The following CACNA1C variants were observed in gnomAD, a reference collection of about 807,000 sequenced individuals.
CACNA1C encodes the protein calcium voltage-gated channel subunit alpha1 C, also known as voltage-dependent L-type calcium channel subunit alpha-1C.
Under a neutral mutation model 229.0 loss-of-function variants are expected in CACNA1C, and 30 were observed. That is an observed-to-expected ratio of 0.13 (90% CI 0.10 to 0.18). CACNA1C has a LOEUF of 0.18. Ranked by LOEUF, CACNA1C falls within the 10% of genes least tolerant of loss-of-function variation. The probability of loss-of-function intolerance (pLI) is 1.00; values close to 1 mark genes in which losing one functional copy is unlikely to be tolerated. For missense variants in CACNA1C, 1,658 were observed against 2,845.0 expected (o/e 0.58, Z 9.49); for synonymous variants, 1,114 against 1,132.5 (o/e 0.98, Z 0.33).
chr12:2,088,504 A>C (rs957851680), intron 1 of CACNA1C, among the ~76,000 whole-genome samples: 1 of 152,212 alleles, frequency 6.6e-6, no homozygotes. Flanking sequence ...TGGGCGTCAT[A>C]ATAATGCCTA....
intron 11 of CACNA1C, 92 bp downstream of exon 11, chr12:2,557,069 T>C (rs2044738746): frequency 1.0e-6 from 1 of 989,692 alleles, no homozygotes; most frequent in East Asian, 2.4e-5. Flanking sequence ...ACCTACAAGT[T>C]GCCAGTAGTG....
In CACNA1C at chr12:2,677,382, G is replaced by T; in HGVS notation, c.4956+161G>T. Reference sequence around the variant, plus strand: ...CCTTTCCAAAGATGGCTGTGAGAAGGGGGTGATGTGCCCTTCCCTACCTGC... The same window carrying T: ...CCTTTCCAAAGATGGCTGTGAGAAGTGGGTGATGTGCCCTTCCCTACCTGC... On this transcript the variant is annotated intron_variant, in intron 40 of 46. Coordinates refer to ENST00000399655, the MANE Select transcript of CACNA1C (RefSeq NM_000719.7). This position sits in a 1 kb window ranked among gnomAD's most constrained non-coding sequence, Gnocchi z 7.4. 1 of 777,106 alleles carries T rather than the reference G, an allele frequency of 1.3e-6. No homozygotes were observed. The highest frequency in any genetic ancestry group is 2.9e-5 in the Admixed American group (1 of 34,182). The allele number at this position is 777,106 out of a possible 1,614,324, so 48.1% of individuals were successfully genotyped here. A position where few individuals can be genotyped will look rare whatever the true frequency, so the allele number is the denominator to read the frequency against.
At chr12:2,113,163 G>A (rs969836723) in intron 1 of CACNA1C, among the ~76,000 whole-genome samples, 25 of 152,188 alleles carry the variant, frequency 1.6e-4, no homozygotes, top group African/African-American at 6.0e-4. Context: ...GTGTGGCTCA[G>A]GTAAGGGCTA....
chr12:2,653,621 G>A lies in CACNA1C; in HGVS notation c.4075-214G>A, dbSNP rs1270304690. On this transcript the variant is annotated intron_variant, in intron 32 of 46. Transcript: ENST00000399655. This position sits in a 1 kb window ranked among gnomAD's most constrained non-coding sequence, Gnocchi z 4.7. ...GCACTATATCGTTACTCTGCGGCCT[G>A]CTTTGAAAACCAAGCTGAAATGGGA... Among the ~76,000 whole-genome samples the A allele has an allele frequency of 6.6e-6, 1 of 152,196 alleles. No individual in the cohort carries two copies. Among genetic ancestry groups the A allele is most frequent in the East Asian group, 1.9e-4 (1 of 5,186 alleles).
intron 3 of CACNA1C, among the ~76,000 whole-genome samples, chr12:2,422,763 A>T (rs539936933): frequency 6.6e-6 from 1 of 152,220 alleles, no homozygotes; most frequent in South Asian, 2.1e-4. Flanking sequence ...TGCTGTGTTG[A>T]GGAGGGTTCT....
intron 1 of CACNA1C, among the ~76,000 whole-genome samples, chr12:2,026,045 T>G (rs929368819): frequency 1.3e-5 from 2 of 152,188 alleles, no homozygotes; most frequent in African/African-American, 4.8e-5. Context: ...TGCCTGGCAA[T>G]GTCGGAAAGT....
At chr12:2,416,878 C>T (rs1229704384) in intron 3 of CACNA1C, among the ~76,000 whole-genome samples, 1 of 152,224 alleles carries the variant, frequency 6.6e-6, no homozygotes, top group Non-Finnish European at 1.5e-5. Context: ...ACACAACTAG[C>T]AAGAAGCAGA....
intron 16 of CACNA1C, among the ~76,000 whole-genome samples, chr12:2,584,972 T>G: frequency 6.6e-6 from 1 of 152,182 alleles, no homozygotes; most frequent in East Asian, 1.9e-4. Flanking sequence ...CTCACTACTT[T>G]ATAATTCATC....
intron 3 of CACNA1C, among the ~76,000 whole-genome samples, chr12:2,398,425 T>TG: frequency 6.6e-6 from 1 of 152,220 alleles, no homozygotes; most frequent in South Asian, 2.1e-4. Flanking sequence ...GGATACTCTG[T>TG]GGAAGCAAAG....
At chr12:2,228,407 C>G (rs926128545) in intron 3 of CACNA1C, among the ~76,000 whole-genome samples, 10 of 152,338 alleles carry the variant, frequency 6.6e-5, no homozygotes, top group African/African-American at 2.4e-4. Flanking sequence ...TCAGATCTGT[C>G]TGGCTCCAAA....
At chr12:2,414,019 G>C (rs2098837384) in intron 3 of CACNA1C, among the ~76,000 whole-genome samples, 1 of 152,122 alleles carries the variant, frequency 6.6e-6, no homozygotes, top group Non-Finnish European at 1.5e-5. Context: ...TGCATAGCAG[G>C]GATGCAACAT....
At chr12:2,600,219 G>C (rs1345021265) in intron 21 of CACNA1C, among the ~76,000 whole-genome samples, 2 of 152,176 alleles carry the variant, frequency 1.3e-5, no homozygotes, top group Non-Finnish European at 2.9e-5. Context: ...TTCACCAAGA[G>C]GCAGGGAGGC....
chr12:2,379,885 G>A (rs1049088262), intron 3 of CACNA1C, among the ~76,000 whole-genome samples: 4 of 150,458 alleles, frequency 2.7e-5, no homozygotes, highest in Non-Finnish European at 5.9e-5. Context: ...CAAAAAATTA[G>A]CCGGGCGTAG....
intron 3 of CACNA1C, among the ~76,000 whole-genome samples, chr12:2,144,333 G>A (rs1243418805): frequency 1.3e-5 from 2 of 151,182 alleles, no homozygotes; most frequent in Non-Finnish European, 3.0e-5. Context: ...TCCAGGTAAG[G>A]AAAAGAAGAG....
At chr12:2,135,702 C>T (rs1432932757) in intron 3 of CACNA1C, among the ~76,000 whole-genome samples, 1 of 145,680 alleles carries the variant, frequency 6.9e-6, no homozygotes, top group Non-Finnish European at 1.5e-5. Flanking sequence ...AACCACTGCT[C>T]TCTTCAAAGC....
In CACNA1C at chr12:2,648,354, C is replaced by T. The variant is rs1243075303; in HGVS notation, c.3913-121C>T. ...CAGGCCTACGCTTTCACGTTTCTTT[C>T]ACTTGTTTCCTTTTGCCCTCTTCTG... On this transcript the variant is annotated intron_variant, in intron 30 of 46. Transcript: ENST00000399655. 7 of 915,660 alleles carry T rather than the reference C, an allele frequency of 7.6e-6. No homozygotes were observed. The East Asian group carries it at 9.8e-5, about 13-fold the overall frequency. The allele number at this position is 915,660 out of a possible 1,614,324, so 56.7% of individuals were successfully genotyped here. A position where few individuals can be genotyped will look rare whatever the true frequency, so the allele number is the denominator to read the frequency against.
intron 1 of CACNA1C, among the ~76,000 whole-genome samples, chr12:2,113,915 G>A (rs920129603): frequency 6.6e-6 from 1 of 152,242 alleles, no homozygotes; most frequent in African/African-American, 2.4e-5. Flanking sequence ...AGCTGTCCCT[G>A]CGCAGGTTGG....
chr12:2,217,400 A>G (rs2060252674), intron 3 of CACNA1C: 1 of 152,282 alleles, frequency 6.6e-6, no homozygotes, highest in Admixed American at 6.5e-5. Context: ...AAAAATGGTT[A>G]AGATTGTAAA....
chr12:2,487,055 G>A (rs747879702), intron 6 of CACNA1C, among the ~76,000 whole-genome samples: 2 of 152,162 alleles, frequency 1.3e-5, no homozygotes, highest in Non-Finnish European at 2.9e-5. Flanking sequence ...TACTAACATC[G>A]CAGCTTGGCC....
Sources: gnomAD v4.1 joint callset for allele counts (sites outside exome capture counted in the v4.1 genomes callset) on GRCh38, gnomAD v4.1.1 for gene constraint, Gnocchi (gnomAD v3.1) non-coding constraint, MANE v1.5 for transcripts, NCBI Gene and HGNC (gene_info 2026-07-23, HGNC 2026-07-21) for gene names.